PLEKHA4: variants seen among roughly 807,000 people sequenced by gnomAD.
PLEKHA4 encodes pleckstrin homology domain containing A4.
A neutral mutation model predicts 94.7 loss-of-function variants in PLEKHA4; 73 were observed. That is an observed-to-expected ratio of 0.77 (90% CI 0.64 to 0.94). The LOEUF is 0.94. Ranked by LOEUF, PLEKHA4 falls within the 40% of genes least tolerant of loss-of-function variation. The pLI is 0.00. For missense variants in PLEKHA4, 1,049 were observed against 1,054.1 expected, an observed-to-expected ratio of 1.00 and a Z score of 0.07; for synonymous variants, 449 against 437.1, an observed-to-expected ratio of 1.03 and a Z score of -0.34.
chr19:48,848,302 C>T (rs906654949), intron 13 of PLEKHA4, among the ~76,000 whole-genome samples: 22 of 150,478 alleles, frequency 1.5e-4, no homozygotes, highest in Non-Finnish European at 2.8e-4. Context: ...CCGGCTAAAA[C>T]GGTGAAACCC....
intron 9 of PLEKHA4, among the ~76,000 whole-genome samples, chr19:48,856,508 A>C (rs1460852463): frequency 6.6e-6 from 1 of 152,000 alleles, no homozygotes; most frequent in Non-Finnish European, 1.5e-5. Context: ...TCACGAGGTT[A>C]GGAGTTCGAG....
chr19:48,838,211 G>A, intron 18 of PLEKHA4, 82 bp from the exon 19 acceptor site: 2 of 767,016 alleles, frequency 2.6e-6, no homozygotes, highest in Non-Finnish European at 4.4e-6. Context: ...AAAAAGAAAA[G>A]GATGAATAAG....
At chr19:48,865,684 G>C in intron 2 of PLEKHA4, 74 bp from the exon 3 acceptor site, 1 of 982,668 alleles carries the variant, frequency 1.0e-6, no homozygotes, top group Non-Finnish European at 1.6e-6. Flanking sequence ...GGTGGACACA[G>C]GCAACCGTAG....
intron 16 of PLEKHA4, among the ~76,000 whole-genome samples, chr19:48,841,995 G>A (rs1207398039): frequency 6.6e-6 from 1 of 152,142 alleles, no homozygotes; most frequent in Non-Finnish European, 1.5e-5. Flanking sequence ...GAAGCTTCCA[G>A]TTAAACATCC....
At chr19:48,865,774 G>A (rs889009910) in intron 2 of PLEKHA4, among the ~76,000 whole-genome samples, 164 bp from the exon 3 acceptor site, 7 of 152,086 alleles carry the variant, frequency 4.6e-5, no homozygotes, top group African/African-American at 1.4e-4. Context: ...CAGCACTTTC[G>A]GAGGCTGAGA....
At position 48,859,599 on chromosome 19, in the gene PLEKHA4, C is replaced by A; in HGVS notation, c.562G>T (p.Glu188Ter). The A allele has an allele frequency of 6.2e-7, 1 of 1,613,790 alleles. No individual in the cohort carries two copies. The highest frequency in any genetic ancestry group is 8.5e-7 in the Non-Finnish European group (1 of 1,179,994). The change falls in exon 7 of 20, where the codon GAG becomes TAG. Residue 188 changes from glutamate (E) to a stop codon, truncating the protein, a stop_gained. Transcript: ENST00000263265. LOFTEE classifies it high-confidence loss of function. The part of the protein sequence containing the change: ...GGPPEVSRGE[E>*]GRISESPEVT... ...TCCGGTGATTCTGAGATGCGCCCCT[C>A]TTCCCCTCTGCTCACCTCCGGGGGA...
intron 14 of PLEKHA4, 75 bp downstream of exon 14, chr19:48,847,825 T>G: frequency 7.0e-7 from 1 of 1,438,004 alleles, no homozygotes; most frequent in Non-Finnish European, 9.2e-7. Flanking sequence ...ATTAAAGAGG[T>G]GGGTGGGGAA....
chr19:48,866,842 G>A (rs1217459481), intron 2 of PLEKHA4, among the ~76,000 whole-genome samples: 2 of 152,152 alleles, frequency 1.3e-5, no homozygotes, highest in African/African-American at 2.4e-5. Context: ...CTGGTGCCCT[G>A]CGGTCACACC....
intron 16 of PLEKHA4, among the ~76,000 whole-genome samples, chr19:48,843,096 C>G (rs552835191): frequency 6.6e-6 from 1 of 152,258 alleles, no homozygotes; most frequent in East Asian, 1.9e-4. Context: ...CTCCTCTCTT[C>G]CTAGGAAAGG....
intron 2 of PLEKHA4, 37 bp from the exon 3 acceptor site, chr19:48,865,647 C>A (rs1330196389): frequency 6.8e-7 from 1 of 1,478,018 alleles, no homozygotes; most frequent in Non-Finnish European, 9.4e-7. Context: ...ACAGGGAGAG[C>A]CTAGGATGGT....
At chr19:48,849,967 C>T (rs112613997) in intron 13 of PLEKHA4, among the ~76,000 whole-genome samples, 1 of 152,172 alleles carries the variant, frequency 6.6e-6, no homozygotes, top group Non-Finnish European at 1.5e-5. Context: ...AATCCCAGCA[C>T]TTTGGGAGGC....
rs1166173247 is a variant in PLEKHA4 at position 48,841,183 on chromosome 19, GAC to G, written c.1869_1870del (p.Ser624ProfsTer7). 1.2e-6 allele frequency: 2 copies of G among 1,611,990 alleles called. No individual in the cohort carries two copies. Among genetic ancestry groups the G allele is most frequent in the African/African-American group, 2.7e-5 (2 of 74,902 alleles). ...CACGTCAGGCTGGCGTCTGGCTGGG[GAC>G]AGTGTCCTTCCCAGGGTGAGAAGCC... On this transcript the variant is annotated frameshift_variant, in exon 17 of 20. Transcript: ENST00000263265. LOFTEE classifies it high-confidence loss of function.
rs2123044720 is a variant in PLEKHA4 at position 48,853,717 on chromosome 19, C to A, written c.1291G>T (p.Val431Phe). 2 of 1,604,722 alleles carry A rather than the reference C, an allele frequency of 1.2e-6. No homozygotes were observed. The highest frequency in any genetic ancestry group is 3.5e-4 in the Middle Eastern group (2 of 5,772). The change falls in exon 12 of 20, where the codon GTC becomes TTC. Residue 431 changes from valine (V) to phenylalanine (F), a missense_variant. By Grantham distance (50) the Val-to-Phe change is conservative (BLOSUM62 -1). Coordinates refer to ENST00000263265, the MANE Select transcript of PLEKHA4 (RefSeq NM_020904.3). ...GRQRLLQDRL[V>F]SVRATLCHLT... ...TGACAGAGGGTGGCCCTCACACTGA[C>A]CAGCCGGTCCTGCAAGAGGCGCTGG...
At chr19:48,861,272 C>G in intron 5 of PLEKHA4, 129 bp downstream of exon 5, 1 of 832,326 alleles carries the variant, frequency 1.2e-6, no homozygotes, top group Middle Eastern at 3.4e-4. Context: ...TGACGCTTGT[C>G]AAGACCTTTT....
At chr19:48,858,809 C>G in intron 8 of PLEKHA4, 51 bp downstream of exon 8, 1 of 1,605,006 alleles carries the variant, frequency 6.2e-7, no homozygotes, top group South Asian at 1.1e-5. Flanking sequence ...GAAAGACAGC[C>G]CTGAGGCCTG....
At chr19:48,857,246 T>C (rs1275647992) in intron 9 of PLEKHA4, among the ~76,000 whole-genome samples, 176 bp downstream of exon 9, 1 of 152,162 alleles carries the variant, frequency 6.6e-6, no homozygotes, top group Non-Finnish European at 1.5e-5. Flanking sequence ...ATAATCCATT[T>C]CTGTTGTTTT....
chr19:48,864,806 A>G (rs2036774323), intron 3 of PLEKHA4, among the ~76,000 whole-genome samples: 1 of 152,144 alleles, frequency 6.6e-6, no homozygotes, highest in East Asian at 1.9e-4. Context: ...CCTAAGCTCA[A>G]GCGATCTTCC....
intron 2 of PLEKHA4, among the ~76,000 whole-genome samples, chr19:48,866,302 G>A (rs995957988): frequency 4.0e-5 from 6 of 151,638 alleles, no homozygotes; most frequent in African/African-American, 1.5e-4. Flanking sequence ...GGCTGGGAGA[G>A]ACTCTTTTTT....
In PLEKHA4 at chr19:48,856,547, G is replaced by A. The variant is rs561317138; in HGVS notation, c.1047+875C>T. 7.2e-4 allele frequency among the ~76,000 whole-genome samples: 110 copies of A among 152,058 alleles called. 1 individual carries two copies. Among genetic ancestry groups the A allele is most frequent in the South Asian group, 6.9e-3 (33 of 4,798 alleles). On this transcript the variant is annotated intron_variant, in intron 9 of 19. Transcript: ENST00000263265. ...AGCCTGACCAACATGGTGAAACCCC[G>A]TCTCTACTAAAAATACAAAAATTAT...
Sources: allele counts gnomAD v4.1 joint callset (sites outside exome capture counted in the v4.1 genomes callset), GRCh38; gene constraint gnomAD v4.1.1; transcripts MANE v1.5; gene names NCBI Gene and HGNC (gene_info 2026-07-23, HGNC 2026-07-21).